PLCB1: variants seen among roughly 807,000 people sequenced by gnomAD.
PLCB1 encodes the protein phospholipase C beta 1, also known as 1-phosphatidylinositol 4,5-bisphosphate phosphodiesterase beta-1.
Under a neutral mutation model 161.8 loss-of-function variants are expected in PLCB1, and 46 were observed. The ratio of observed to expected loss-of-function variants is 0.28; its 90% CI spans 0.22 to 0.36. The LOEUF (loss-of-function observed/expected upper bound fraction) is 0.36. Among genes scored for constraint, PLCB1 ranks in the 10% least tolerant of loss-of-function variants. PLCB1 has a pLI of 1.00. For missense variants in PLCB1, 1,016 were observed against 1,472.5 expected (o/e 0.69, Z 5.07); for synonymous variants, 517 against 503.7 (o/e 1.03, Z -0.35).
At chr20:8,328,276 A>G (rs1184878106) in intron 2 of PLCB1, among the ~76,000 whole-genome samples, 2 of 152,030 alleles carry the variant, frequency 1.3e-5, no homozygotes, top group African/African-American at 2.4e-5. Flanking sequence ...TTTGTTCACC[A>G]AATCTTTTTT....
intron 31 of PLCB1, among the ~76,000 whole-genome samples, chr20:8,824,168 C>A (rs1162447261): frequency 6.6e-6 from 1 of 152,102 alleles, no homozygotes; most frequent in Non-Finnish European, 1.5e-5. Flanking sequence ...TATTAGACTG[C>A]AGATTGTTGG....
At chr20:8,268,488 G>A (rs1352394688) in intron 2 of PLCB1, among the ~76,000 whole-genome samples, 1 of 152,150 alleles carries the variant, frequency 6.6e-6, no homozygotes, top group Non-Finnish European at 1.5e-5. Context: ...ACCCAGTAAT[G>A]GGATGGCTGG....
rs62195831 is a variant in PLCB1, at chr20:8,682,533, A to C, written c.863-2399A>C. 6.8e-3 allele frequency among the ~76,000 whole-genome samples: 1,035 copies of C among 152,334 alleles called. 10 individuals carry two copies. The highest frequency in any genetic ancestry group is 0.017 in the Middle Eastern group (5 of 294). ...GGACAATAGTAAAAGCAATTTAGCT[A>C]TTGAGTTTCCAGAACTTGGGAAAAG... On this transcript the variant is annotated intron_variant, in intron 9 of 31. Transcript: ENST00000338037.
At chr20:8,223,472 T>A (rs1311215957) in intron 2 of PLCB1, among the ~76,000 whole-genome samples, 5 of 152,174 alleles carry the variant, frequency 3.3e-5, no homozygotes, top group Non-Finnish European at 7.4e-5. Flanking sequence ...ATCTTTTTCT[T>A]TCTTAGAAAA....
At chr20:8,474,758 G>T (rs1982199064) in intron 3 of PLCB1, among the ~76,000 whole-genome samples, 1 of 152,112 alleles carries the variant, frequency 6.6e-6, no homozygotes, top group Non-Finnish European at 1.5e-5. Context: ...AGGATGGGAG[G>T]TTGGTTCTGG....
chr20:8,345,131 C>G (rs1985955107), intron 2 of PLCB1, among the ~76,000 whole-genome samples: 1 of 152,184 alleles, frequency 6.6e-6, no homozygotes, highest in African/African-American at 2.4e-5. Flanking sequence ...GCTCTTCTTT[C>G]ACTCTTCACG....
intron 2 of PLCB1, among the ~76,000 whole-genome samples, chr20:8,363,364 C>T (rs985407301): frequency 3.3e-5 from 5 of 152,024 alleles, no homozygotes; most frequent in African/African-American, 1.2e-4. Context: ...AGGTTGTTGC[C>T]AGAATTCAGT....
At chr20:8,499,962 GAAACA>G (rs1983336558) in intron 3 of PLCB1, among the ~76,000 whole-genome samples, 1 of 152,056 alleles carries the variant, frequency 6.6e-6, no homozygotes, top group Non-Finnish European at 1.5e-5. Flanking sequence ...CTACTTTTTA[GAAACA>G]ACCAGCAGAT....
chr20:8,312,250 C>T (rs550077407), intron 2 of PLCB1, among the ~76,000 whole-genome samples: 16 of 152,210 alleles, frequency 1.1e-4, no homozygotes, highest in African/African-American at 2.4e-4. Context: ...TCCTCACGTC[C>T]GCTTCTCAAG....
At chr20:8,847,861 T>A (rs1198078913) in intron 31 of PLCB1, among the ~76,000 whole-genome samples, 1 of 152,210 alleles carries the variant, frequency 6.6e-6, no homozygotes, top group Non-Finnish European at 1.5e-5. Context: ...TGCTTTGTGC[T>A]GCTATAACAA....
chr20:8,204,286 C>G (rs1254679947), intron 2 of PLCB1, among the ~76,000 whole-genome samples: 2 of 152,092 alleles, frequency 1.3e-5, no homozygotes, highest in Non-Finnish European at 2.9e-5. Context: ...GGCTTTTCCT[C>G]TCTGGAGAAA....
intron 2 of PLCB1, among the ~76,000 whole-genome samples, chr20:8,203,064 C>A (rs995335312): frequency 2.0e-5 from 3 of 150,968 alleles, no homozygotes; most frequent in Non-Finnish European, 4.4e-5. Flanking sequence ...GCTGGAAGAG[C>A]TCAGTCATTC....
chr20:8,663,128 A>G (rs1359942736), intron 9 of PLCB1, among the ~76,000 whole-genome samples: 1 of 151,956 alleles, frequency 6.6e-6, no homozygotes, highest in African/African-American at 2.4e-5. Context: ...ACTTGTTATA[A>G]AATGCTAAGC....
At chr20:8,654,559 A>C (rs1989401299) in intron 7 of PLCB1, among the ~76,000 whole-genome samples, 1 of 152,058 alleles carries the variant, frequency 6.6e-6, no homozygotes, top group African/African-American at 2.4e-5. Flanking sequence ...AAGAAATATA[A>C]AAAATAAAGG....
At chr20:8,693,402 T>C (rs1358791398) in intron 10 of PLCB1, among the ~76,000 whole-genome samples, 4 of 152,164 alleles carry the variant, frequency 2.6e-5, no homozygotes, top group Non-Finnish European at 4.4e-5. Flanking sequence ...TACCATGTAA[T>C]TGAGAAATCA....
At chr20:8,283,481 A>G (rs1165211388) in intron 2 of PLCB1, among the ~76,000 whole-genome samples, 1 of 151,246 alleles carries the variant, frequency 6.6e-6, no homozygotes, top group Non-Finnish European at 1.5e-5. Context: ...TTTAATAATA[A>G]ATGCTCTAAC....
At chr20:8,263,228 GTTGA>G (rs1981794227) in intron 2 of PLCB1, among the ~76,000 whole-genome samples, 1 of 152,094 alleles carries the variant, frequency 6.6e-6, no homozygotes, top group Admixed American at 6.6e-5. Flanking sequence ...ACTGGTAACT[GTTGA>G]TTATTAGCCT....
intron 3 of PLCB1, among the ~76,000 whole-genome samples, chr20:8,429,680 T>C (rs1174301911): frequency 6.6e-6 from 1 of 152,018 alleles, no homozygotes; most frequent in Non-Finnish European, 1.5e-5. Context: ...TATCAAACCA[T>C]TGACCAACAT....
At chr20:8,671,281 T>C (rs1989936199) in intron 9 of PLCB1, among the ~76,000 whole-genome samples, 1 of 152,248 alleles carries the variant, frequency 6.6e-6, no homozygotes. Context: ...TTAGCTGTTT[T>C]TATTTTTTAA....
Sources: gnomAD v4.1 joint callset for allele counts (sites outside exome capture counted in the v4.1 genomes callset) on GRCh38, gnomAD v4.1.1 for gene constraint, MANE v1.5 for transcripts, NCBI Gene and HGNC (gene_info 2026-07-23, HGNC 2026-07-21) for gene names.